The following CDH13 variants were observed in gnomAD, a reference collection of about 807,000 sequenced individuals.
CDH13 encodes the protein cadherin-13.
CDH13 carries 24 observed loss-of-function variants against 63.8 expected under a neutral mutation model. The ratio of observed to expected loss-of-function variants is 0.38; its 90% CI spans 0.27 to 0.53. The LOEUF is 0.53. Among genes scored for constraint, CDH13 ranks in the 20% least tolerant of loss-of-function variants. CDH13 has a pLI of 0.85. For missense variants in CDH13, 1,049 were observed against 903.1 expected (o/e 1.16, Z -2.07); for synonymous variants, 503 against 355.3 (o/e 1.42, Z -4.67).
chr16:83,458,039 T>A (rs2073071183), intron 6 of CDH13, among the ~76,000 whole-genome samples: 1 of 152,150 alleles, frequency 6.6e-6, no homozygotes, highest in South Asian at 2.1e-4. Context: ...GGCCCTGGTG[T>A]GCTAAGTGCA....
chr16:83,763,605 C>T (rs1277672287), intron 11 of CDH13, among the ~76,000 whole-genome samples: 1 of 152,048 alleles, frequency 6.6e-6, no homozygotes, highest in Non-Finnish European at 1.5e-5. Context: ...TAGATTGATT[C>T]TACTTAAAAG....
chr16:83,191,634 T>C (rs2038718340), intron 4 of CDH13, among the ~76,000 whole-genome samples: 1 of 150,242 alleles, frequency 6.7e-6, no homozygotes, highest in Non-Finnish European at 1.5e-5. Flanking sequence ...CAATAGGCCA[T>C]CTGCAAGCTG....
chr16:82,947,707 G>A (rs988210228), intron 2 of CDH13, among the ~76,000 whole-genome samples: 3 of 152,186 alleles, frequency 2.0e-5, no homozygotes, highest in Non-Finnish European at 2.9e-5. Flanking sequence ...AAGTTTGGGA[G>A]TAGGGGTGGG....
At chr16:83,040,442 G>A (rs1375415847) in intron 3 of CDH13, among the ~76,000 whole-genome samples, 1 of 152,174 alleles carries the variant, frequency 6.6e-6, no homozygotes, top group Non-Finnish European at 1.5e-5. Flanking sequence ...TCAGTCTGTG[G>A]CCGAAGGCCC....
At chr16:83,056,228 G>A (rs929269295) in intron 3 of CDH13, among the ~76,000 whole-genome samples, 12 of 152,098 alleles carry the variant, frequency 7.9e-5, no homozygotes, top group African/African-American at 2.9e-4. Context: ...CAATAGCAAG[G>A]ACGTGTGGCA....
chr16:83,693,438 A>G (rs886537548), intron 10 of CDH13, among the ~76,000 whole-genome samples: 1 of 152,156 alleles, frequency 6.6e-6, no homozygotes, highest in Non-Finnish European at 1.5e-5. Context: ...TTTTTCTAGA[A>G]TATTTGGTTT....
At chr16:82,631,652 G>C (rs895059514) in intron 1 of CDH13, among the ~76,000 whole-genome samples, 1 of 152,206 alleles carries the variant, frequency 6.6e-6, no homozygotes, top group Non-Finnish European at 1.5e-5. Context: ...GTATGAACAG[G>C]CTGCACAGAC....
chr16:83,002,661 A>G (rs1219323260), intron 2 of CDH13, among the ~76,000 whole-genome samples: 1 of 152,208 alleles, frequency 6.6e-6, no homozygotes, highest in East Asian at 1.9e-4. Context: ...AACGAAGCAG[A>G]ATAAGCGGGG....
At chr16:83,197,468 A>T (rs1474095075) in intron 4 of CDH13, among the ~76,000 whole-genome samples, 1 of 152,116 alleles carries the variant, frequency 6.6e-6, no homozygotes, top group East Asian at 1.9e-4. Flanking sequence ...TCACCCCGTT[A>T]TGCTCTCAAA....
intron 5 of CDH13, among the ~76,000 whole-genome samples, chr16:83,335,660 A>G (rs1287397713): frequency 6.6e-6 from 1 of 152,164 alleles, no homozygotes; most frequent in African/African-American, 2.4e-5. Flanking sequence ...GTAGTTAAAG[A>G]TTGACCCCTG....
At chr16:83,055,675 A>G (rs1282924960) in intron 3 of CDH13, among the ~76,000 whole-genome samples, 3 of 152,084 alleles carry the variant, frequency 2.0e-5, no homozygotes, top group Non-Finnish European at 2.9e-5. Flanking sequence ...ACTTTTAAAG[A>G]AGAAAATACA....
At chr16:83,210,332 TG>T (rs1254353838) in intron 4 of CDH13, among the ~76,000 whole-genome samples, 5 of 151,954 alleles carry the variant, frequency 3.3e-5, no homozygotes, top group Admixed American at 6.6e-5. Flanking sequence ...CCCAAAGTGC[TG>T]GGATTATGAG....
chr16:83,195,547 A>G lies in CDH13; in HGVS notation c.484-21798A>G, dbSNP rs568569163. 6.0e-4 allele frequency among the ~76,000 whole-genome samples: 91 copies of G among 152,222 alleles called. 1 individual carries two copies. The highest frequency in any genetic ancestry group is 4.4e-4 in the Non-Finnish European group (30 of 68,016). ...CAGTTTCAAACAACCAGATCTCCTG[A>G]GAACTCTATCACGAGAATAGCACTA... On this transcript the variant is annotated intron_variant, in intron 4 of 13. Coordinates refer to ENST00000567109, the MANE Select transcript of CDH13 (RefSeq NM_001257.5).
intron 8 of CDH13, among the ~76,000 whole-genome samples, chr16:83,636,218 G>C (rs909722647): frequency 2.6e-5 from 4 of 152,282 alleles, no homozygotes; most frequent in Middle Eastern, 3.4e-3. Flanking sequence ...TATTACCGGA[G>C]CTGTAGAGTA....
chr16:83,472,084 T>C (rs1197513921), intron 6 of CDH13, among the ~76,000 whole-genome samples: 2 of 152,186 alleles, frequency 1.3e-5, no homozygotes, highest in East Asian at 3.8e-4. Flanking sequence ...GAACACAGTG[T>C]CCTGGGCTGA....
At chr16:83,277,037 G>T (rs549564230) in intron 5 of CDH13, among the ~76,000 whole-genome samples, 5 of 152,016 alleles carry the variant, frequency 3.3e-5, no homozygotes, top group Non-Finnish European at 5.9e-5. Context: ...CCCCCACCAG[G>T]TCTCTCCAAC....
intron 2 of CDH13, among the ~76,000 whole-genome samples, chr16:82,971,439 C>G (rs1908729713): frequency 6.6e-6 from 1 of 152,202 alleles, no homozygotes; most frequent in Non-Finnish European, 1.5e-5. Flanking sequence ...TCCAACAACC[C>G]TGTGAGATGT....
chr16:83,417,042 T>C (rs2071571040), intron 6 of CDH13, among the ~76,000 whole-genome samples: 1 of 152,242 alleles, frequency 6.6e-6, no homozygotes, highest in African/African-American at 2.4e-5. Flanking sequence ...CCAAGTGCTT[T>C]ACAGGGATTA....
At chr16:83,429,772 T>C (rs539087424) in intron 6 of CDH13, among the ~76,000 whole-genome samples, 2 of 152,162 alleles carry the variant, frequency 1.3e-5, no homozygotes, top group Non-Finnish European at 1.5e-5. Flanking sequence ...TTATTTTATT[T>C]TATTGTGGTA....
Sources: gnomAD v4.1 joint callset for allele counts (sites outside exome capture counted in the v4.1 genomes callset) on GRCh38, gnomAD v4.1.1 for gene constraint, MANE v1.5 for transcripts, NCBI Gene and HGNC (gene_info 2026-07-23, HGNC 2026-07-21) for gene names.